BTRC: variants seen among roughly 807,000 people sequenced by gnomAD.
The protein encoded by BTRC is beta-transducin repeat containing E3 ubiquitin protein ligase, also known as F-box/WD repeat-containing protein 1A.
In BTRC, 42 loss-of-function variants were observed where a neutral mutation model predicts 85.5. The ratio of observed to expected loss-of-function variants is 0.49; its 90% CI spans 0.38 to 0.64. The LOEUF (loss-of-function observed/expected upper bound fraction) is 0.64. BTRC is among the 30% of genes least tolerant of loss of function. BTRC has a pLI of 0.00. For synonymous variants in BTRC, 255 were observed against 263.3 expected, an observed-to-expected ratio of 0.97 and a Z score of 0.30; for missense variants, 594 against 743.5, an observed-to-expected ratio of 0.80 and a Z score of 2.34.
chr10:101,414,189 G>T (rs529100725), intron 1 of BTRC, among the ~76,000 whole-genome samples: 4 of 152,164 alleles, frequency 2.6e-5, no homozygotes, highest in East Asian at 1.9e-4. Flanking sequence ...ACTACTCTAG[G>T]TAACTCATAT....
At chr10:101,452,883 T>C (rs934399091) in intron 2 of BTRC, among the ~76,000 whole-genome samples, 1 of 152,200 alleles carries the variant, frequency 6.6e-6, no homozygotes, top group Non-Finnish European at 1.5e-5. Flanking sequence ...GAGGACACTT[T>C]AGGTCCTCCC....
intron 4 of BTRC, among the ~76,000 whole-genome samples, chr10:101,507,906 G>C (rs549189033): frequency 7.2e-5 from 11 of 152,026 alleles, no homozygotes; most frequent in Non-Finnish European, 1.5e-4. Context: ...ACATCAGTGG[G>C]TTTACCAGCC....
chr10:101,508,913 T>TAAAAA (rs59998718), intron 4 of BTRC, among the ~76,000 whole-genome samples: 26 of 101,924 alleles, frequency 2.6e-4, no homozygotes, highest in East Asian at 6.0e-4. Flanking sequence ...GACTCCATCT[T>TAAAAA]AAAAAAAAAA....
In BTRC at chr10:101,531,341, TC is replaced by T; in HGVS notation, c.840+9del. 1 of 1,576,722 alleles carries T rather than the reference TC, an allele frequency of 6.3e-7. No homozygotes were observed. Among genetic ancestry groups the T allele is most frequent in the African/African-American group, 1.4e-5 (1 of 74,020 alleles). ...ATTATACAAGACATTGAGGTAAGAA[TC>T]TATGTATTTTGGGGTATTGCCCAAG... is the stretch of plus-strand genomic sequence containing the variant. On this transcript the variant is annotated intron_variant, in intron 7 of 14. Transcript: ENST00000370187.
intron 1 of BTRC, among the ~76,000 whole-genome samples, chr10:101,413,420 T>C (rs191900194): frequency 6.4e-4 from 97 of 152,324 alleles, no homozygotes; most frequent in Non-Finnish European, 1.2e-3. Context: ...TTTACACCAT[T>C]CTCCTGGCTC....
intron 1 of BTRC, among the ~76,000 whole-genome samples, chr10:101,372,051 T>C (rs1404749323): frequency 6.6e-6 from 1 of 152,140 alleles, no homozygotes; most frequent in African/African-American, 2.4e-5. Flanking sequence ...TTTTGTCATA[T>C]TAATGTCTAT....
At chr10:101,357,520 C>A (rs545282172) in intron 1 of BTRC, among the ~76,000 whole-genome samples, 308 of 151,378 alleles carry the variant, frequency 2.0e-3, no homozygotes, top group Middle Eastern at 0.011. Flanking sequence ...AAGAACTATC[C>A]TTTTAATCAA....
chr10:101,468,364 C>T (rs1182793617), intron 3 of BTRC, among the ~76,000 whole-genome samples: 2 of 150,700 alleles, frequency 1.3e-5, no homozygotes, highest in Non-Finnish European at 3.0e-5. Context: ...ATTTTGTTTT[C>T]AGTGCTTACT....
At chr10:101,456,566 CT>C (rs1156439732) in intron 2 of BTRC, among the ~76,000 whole-genome samples, 1 of 152,132 alleles carries the variant, frequency 6.6e-6, no homozygotes, top group African/African-American at 2.4e-5. Context: ...CACCTGAATA[CT>C]TTTTTAATAT....
intron 2 of BTRC, among the ~76,000 whole-genome samples, chr10:101,443,946 G>A (rs1944758415): frequency 6.6e-6 from 1 of 152,120 alleles, no homozygotes; most frequent in African/African-American, 2.4e-5. Flanking sequence ...TATCCTCAAG[G>A]AGCTTATAGT....
At chr10:101,400,147 G>GTTAT (rs1236302953) in intron 1 of BTRC, among the ~76,000 whole-genome samples, 9 of 152,112 alleles carry the variant, frequency 5.9e-5, no homozygotes, top group African/African-American at 2.2e-4. Flanking sequence ...CTTTGAAATT[G>GTTAT]TTATTTATTT....
At chr10:101,535,798 C>G (rs2062376778) in intron 11 of BTRC, among the ~76,000 whole-genome samples, 1 of 152,198 alleles carries the variant, frequency 6.6e-6, no homozygotes, top group East Asian at 1.9e-4. Context: ...CTTAGCATTA[C>G]ATAATTGGCC....
At chr10:101,497,472 G>A (rs1946290914) in intron 4 of BTRC, among the ~76,000 whole-genome samples, 1 of 152,144 alleles carries the variant, frequency 6.6e-6, no homozygotes, top group African/African-American at 2.4e-5. Context: ...ATGCCCAGGT[G>A]GAAGGATTGA....
rs370893133 is a variant in BTRC at position 101,443,073 on chromosome 10, G to A, written c.156+12621G>A. 8.3e-4 allele frequency among the ~76,000 whole-genome samples: 126 copies of A among 151,802 alleles called. 4 individuals carry two copies. The South Asian group carries it at 0.022, about 26-fold the overall frequency. On this transcript the variant is annotated intron_variant, in intron 2 of 14. Coordinates refer to ENST00000370187, the MANE Select transcript of BTRC (RefSeq NM_033637.4). ...ATTTTTTTGTATTTTTAGTAGAGAC[G>A]GGGTTTCACCATGTTAGCCAGGATG...
At chr10:101,427,320 G>T (rs973842142) in intron 1 of BTRC, among the ~76,000 whole-genome samples, 6 of 151,674 alleles carry the variant, frequency 4.0e-5, no homozygotes, top group African/African-American at 1.2e-4. Flanking sequence ...GTTTCACCGT[G>T]TTGGCCAGGA....
Position 101,387,528 on chromosome 10 carries a change from C to CTTTTTTTTTTTTTTT in BTRC, c.48+33304_48+33318dup, listed in dbSNP as rs535656002. Among the ~76,000 whole-genome samples the CTTTTTTTTTTTTTTT allele has an allele frequency of 3.1e-3, 140 of 45,064 alleles. 23 individuals are homozygous for CTTTTTTTTTTTTTTT. The highest frequency in any genetic ancestry group is 5.4e-3 in the African/African-American group (35 of 6,524). The allele number at this position is 45,064 out of a possible 152,430, so 29.6% of individuals were successfully genotyped here. ...TGTGGCTTTTTATACCTTCATGGGA[C>CTTTTTTTTTTTTTTT]TTTTTTTTTTTTTTTTTTGAGATAG... On this transcript the variant is annotated intron_variant, in intron 1 of 14. Transcript: ENST00000370187.
intron 4 of BTRC, among the ~76,000 whole-genome samples, chr10:101,514,928 G>A (rs1278800959): frequency 6.6e-6 from 1 of 152,116 alleles, no homozygotes; most frequent in Non-Finnish European, 1.5e-5. Flanking sequence ...TTTTTTCAAA[G>A]GGTTTTGTGG....
In BTRC at chr10:101,521,876, T is replaced by C. The variant is rs770280873; in HGVS notation, c.556+6T>C. ...TTTCATAACTGCTCTGCCAGGTATG[T>C]CTACAAGTGTTTGTAAACCATTAAT... On this transcript the variant is annotated splice_donor_region_variant and intron_variant, in intron 5 of 14. Transcript: ENST00000370187. 4 of 1,589,212 alleles carry C rather than the reference T, an allele frequency of 2.5e-6. No individual in the cohort carries two copies. Among genetic ancestry groups the C allele is most frequent in the Middle Eastern group, 1.7e-4 (1 of 6,018 alleles).
intron 3 of BTRC, 57 bp from the exon 4 acceptor site, chr10:101,479,311 G>A: frequency 7.7e-7 from 1 of 1,294,638 alleles, no homozygotes; most frequent in Non-Finnish European, 1.1e-6. Flanking sequence ...TTTGAAAACA[G>A]GATATGGCAG....
Sources: allele counts gnomAD v4.1 joint callset (sites outside exome capture counted in the v4.1 genomes callset), GRCh38; gene constraint gnomAD v4.1.1; transcripts MANE v1.5; gene names NCBI Gene and HGNC (gene_info 2026-07-23, HGNC 2026-07-21).